Variants in ATP10A observed in about 807,000 individuals in gnomAD.
ATP10A encodes phospholipid-transporting ATPase VA.
In ATP10A, 111 loss-of-function variants were observed where a neutral mutation model predicts 147.8. That is an observed-to-expected ratio of 0.75 (90% CI 0.64 to 0.88). The LOEUF (loss-of-function observed/expected upper bound fraction) is 0.88, where lower values mean the gene tolerates loss of function less well. Ranked by LOEUF, ATP10A falls within the 40% of genes least tolerant of loss-of-function variation. ATP10A has a pLI of 0.00. For synonymous variants in ATP10A, 875 were observed against 841.6 expected (o/e 1.04, Z -0.69); for missense variants, 1,927 against 1,959.0 (o/e 0.98, Z 0.31).
chr15:25,689,217 C>T (rs1176375143), intron 15 of ATP10A, among the ~76,000 whole-genome samples: 3 of 152,228 alleles, frequency 2.0e-5, no homozygotes, highest in African/African-American at 7.2e-5. Context: ...GTCAAAGTGG[C>T]CTTTCCAAAG....
Position 25,708,314 on chromosome 15 carries a change from T to C in ATP10A, c.2345-14A>G. The C allele has an allele frequency of 2.5e-6, 4 of 1,609,476 alleles. No homozygotes were observed. The highest frequency in any genetic ancestry group is 1.7e-4 in the Middle Eastern group (1 of 6,054). ...CTCTGGCGTCAACTAGGTTGGAGAA[T>C]AAGCAGAAACATGGGTAAGAACTGG... On this transcript the variant is annotated splice_polypyrimidine_tract_variant and intron_variant, in intron 10 of 20. Coordinates refer to ENST00000555815, the MANE Select transcript of ATP10A (RefSeq NM_024490.4).
intron 2 of ATP10A, among the ~76,000 whole-genome samples, chr15:25,761,176 A>C (rs552993772): frequency 2.6e-5 from 4 of 152,236 alleles, no homozygotes; most frequent in Non-Finnish European, 5.9e-5. Context: ...GTCAGACGAA[A>C]AAAGGACACA....
At chr15:25,725,387 T>A (rs1211369490) in intron 5 of ATP10A, among the ~76,000 whole-genome samples, 1 of 152,194 alleles carries the variant, frequency 6.6e-6, no homozygotes, top group Non-Finnish European at 1.5e-5. Flanking sequence ...TTCCACTTCA[T>A]GTCAGGGACT....
At chr15:25,765,330 GAACTTTCC>G in intron 2 of ATP10A, among the ~76,000 whole-genome samples, 1 of 152,254 alleles carries the variant, frequency 6.6e-6, no homozygotes, top group Non-Finnish European at 1.5e-5. Flanking sequence ...TTCAGCATCA[GAACTTTCC>G]ATTAGAAACA....
chr15:25,710,957 C>T (rs7180035), intron 10 of ATP10A: 37,912 of 152,126 alleles, frequency 0.25, 5,295 homozygotes, highest in African/African-American at 0.35. Flanking sequence ...GAGCTAGGGG[C>T]TCATGTGGGG....
At chr15:25,721,413 C>T (rs34133661) in intron 7 of ATP10A, among the ~76,000 whole-genome samples, 1 of 152,186 alleles carries the variant, frequency 6.6e-6, no homozygotes, top group Non-Finnish European at 1.5e-5. Context: ...GCCTGGCACC[C>T]CAGACACTGC....
At chr15:25,847,565 TG>T (rs1225391243) in intron 1 of ATP10A, among the ~76,000 whole-genome samples, 1 of 146,464 alleles carries the variant, frequency 6.8e-6, no homozygotes, top group Non-Finnish European at 1.5e-5. Flanking sequence ...CTAAGCAATT[TG>T]GAGCTATTCC....
At chr15:25,695,503 C>T (rs912195249) in intron 13 of ATP10A, among the ~76,000 whole-genome samples, 1 of 152,114 alleles carries the variant, frequency 6.6e-6, no homozygotes, top group Non-Finnish European at 1.5e-5. Flanking sequence ...GTGGTGGGTG[C>T]CTGTAGTCCC....
chr15:25,749,827 T>C (rs979168424), intron 2 of ATP10A, among the ~76,000 whole-genome samples: 16 of 152,150 alleles, frequency 1.1e-4, no homozygotes, highest in Middle Eastern at 6.8e-3. Context: ...AGCTACAATA[T>C]CTGAGACAAA....
chr15:25,860,531 C>G (rs1893713154), intron 1 of ATP10A, among the ~76,000 whole-genome samples: 1 of 152,162 alleles, frequency 6.6e-6, no homozygotes, highest in Admixed American at 6.5e-5. Flanking sequence ...GAACAATAAA[C>G]AGAAGTAGGG....
At chr15:25,786,863 C>T (rs1890194716) in intron 1 of ATP10A, among the ~76,000 whole-genome samples, 1 of 150,928 alleles carries the variant, frequency 6.6e-6, no homozygotes, top group South Asian at 2.1e-4. Context: ...TCTCAATCTC[C>T]TGACCTCATG....
intron 1 of ATP10A, among the ~76,000 whole-genome samples, chr15:25,812,289 C>T (rs1424884778): frequency 6.6e-6 from 1 of 152,182 alleles, no homozygotes; most frequent in Admixed American, 6.5e-5. Flanking sequence ...CAGATCCTCA[C>T]CCTGTTAAAA....
chr15:25,716,799 A>C lies in ATP10A; in HGVS notation c.1707T>G (p.Phe569Leu). 1.4e-5 allele frequency: 23 copies of C among 1,609,528 alleles called. No homozygotes were observed. The highest frequency in any genetic ancestry group is 2.0e-5 in the Non-Finnish European group (23 of 1,178,172). ...AHLSPELSDVFDFFIALTICN... is the reference protein window; with the variant it reads ...AHLSPELSDVLDFFIALTICN... ...AGATGGTGAGTGCGATGAAGAAATC[A>C]AAGACGTCAGACAGCTCAGGCGAGA... The change falls in exon 9 of 21, where the codon TTT becomes TTG. Residue 569 changes from phenylalanine (F) to leucine (L), a missense_variant. Phe to Leu is a conservative substitution (Grantham distance 22). Coordinates refer to ENST00000555815, the MANE Select transcript of ATP10A (RefSeq NM_024490.4).
chr15:25,722,899 GGGA>G (rs1225207363), intron 6 of ATP10A, among the ~76,000 whole-genome samples: 11 of 152,174 alleles, frequency 7.2e-5, no homozygotes, highest in Non-Finnish European at 1.2e-4. Context: ...GGCATTGACT[GGGA>G]GGTGTCAGGG....
intron 2 of ATP10A, chr15:25,738,452 A>T (rs1887408990): frequency 6.6e-6 from 1 of 152,222 alleles, no homozygotes; most frequent in African/African-American, 2.4e-5. Flanking sequence ...TACACTCACA[A>T]ATGATTACAA....
intron 17 of ATP10A, among the ~76,000 whole-genome samples, 165 bp from the exon 18 acceptor site, chr15:25,681,239 T>A (rs1163416721): frequency 6.6e-6 from 1 of 152,142 alleles, no homozygotes; most frequent in Non-Finnish European, 1.5e-5. Flanking sequence ...AGGGTTCTCA[T>A]GCATAAATAC....
chr15:25,711,778 T>C (rs1840600714), intron 10 of ATP10A, among the ~76,000 whole-genome samples: 1 of 152,196 alleles, frequency 6.6e-6, no homozygotes, highest in South Asian at 2.1e-4. Flanking sequence ...GCTCCCTTCC[T>C]GAGACCCAGA....
chr15:25,715,535 G>A (rs1385444240), intron 9 of ATP10A, among the ~76,000 whole-genome samples: 2 of 152,250 alleles, frequency 1.3e-5, no homozygotes, highest in African/African-American at 2.4e-5. Context: ...GGCACTTCCT[G>A]CAGGGATATA....
chr15:25,731,027 C>G (rs1902949227), intron 3 of ATP10A, among the ~76,000 whole-genome samples: 1 of 152,220 alleles, frequency 6.6e-6, no homozygotes, highest in Non-Finnish European at 1.5e-5. Context: ...CAACCAGACA[C>G]CAGGCAGGAG....
Sources: gnomAD v4.1 joint callset for allele counts (sites outside exome capture counted in the v4.1 genomes callset) on GRCh38, gnomAD v4.1.1 for gene constraint, MANE v1.5 for transcripts, NCBI Gene and HGNC (gene_info 2026-07-23, HGNC 2026-07-21) for gene names.